The following FBXL22 variants were observed in gnomAD, a reference collection of about 807,000 sequenced individuals.
The protein encoded by FBXL22 is F-box and leucine rich repeat protein 22.
Under a neutral mutation model 11.7 loss-of-function variants are expected in FBXL22, and 13 were observed. That is an observed-to-expected ratio of 1.11 (90% CI 0.73 to 1.77). FBXL22 has a LOEUF of 1.77. FBXL22 is among the 40% of genes most tolerant of loss of function. The pLI, the probability that FBXL22 is intolerant of heterozygous loss-of-function variation, is 0.00. For synonymous variants in FBXL22, 160 were observed against 144.1 expected (o/e 1.11, Z -0.79); for missense variants, 406 against 320.4 (o/e 1.27, Z -2.04).
At position 63,601,080 on chromosome 15, in the gene FBXL22, C is replaced by T; in HGVS notation, c.*41C>T. ...TGCCCCCGGGGAAGGAGCGCAGCCC[C>T]AGACCGTCCTGGCTTCGAACCCAGC... is the stretch of plus-strand genomic sequence containing the variant. On this transcript the variant is annotated 3_prime_UTR_variant, in exon 2 of 2. Coordinates refer to ENST00000638704, the MANE Select transcript of FBXL22 (RefSeq NM_001367807.1). 1 of 1,270,616 alleles carries T rather than the reference C, an allele frequency of 7.9e-7. No homozygotes were observed. The highest frequency in any genetic ancestry group is 9.9e-7 in the Non-Finnish European group (1 of 1,009,848). The allele number at this position is 1,270,616 out of a possible 1,614,324, so 78.7% of individuals were successfully genotyped here.
At chr15:63,601,634 G>T (rs531949187), downstream of FBXL22, 3 of 1,604,550 alleles carry the variant, frequency 1.9e-6, no homozygotes, top group African/African-American at 2.7e-5. Flanking sequence ...GGTTTTGCCC[G>T]CACGCGCGTC....
At chr15:63,599,743 C>G (rs2067334516) in intron 1 of FBXL22, 4 of 986,366 alleles carry the variant, frequency 4.1e-6, no homozygotes, top group Non-Finnish European at 4.8e-6. Context: ...CAGACTCTAG[C>G]TCCCTCTGGC....
chr15:63,601,642 G>A (rs1441469379), downstream of FBXL22: 1 of 1,606,390 alleles, frequency 6.2e-7, no homozygotes, highest in Admixed American at 1.7e-5. Flanking sequence ...CCGCACGCGC[G>A]TCTGCCCGCC....
At chr15:63,601,336 G>C, downstream of FBXL22, 1 of 1,602,336 alleles carries the variant, frequency 6.2e-7, no homozygotes, top group Non-Finnish European at 8.5e-7. Context: ...GGAGGCGCCT[G>C]CACCGTCCTC....
chr15:63,599,122 A>G, intron 1 of FBXL22: 1 of 1,324,366 alleles, frequency 7.6e-7, no homozygotes, highest in Non-Finnish European at 1.0e-6. Flanking sequence ...TTCTTCTTCT[A>G]TAAAATGTGC....
intron 1 of FBXL22, chr15:63,599,563 G>C: frequency 9.6e-7 from 1 of 1,040,988 alleles, no homozygotes. Flanking sequence ...GACTAATGAG[G>C]GCACACAAAC....
chr15:63,607,702 GCTGT>G, the FBXL22 span, among the ~76,000 whole-genome samples: 6 of 152,310 alleles, frequency 3.9e-5, no homozygotes, highest in African/African-American at 1.4e-4. Context: ...CCTGCAGAGG[GCTGT>G]CTGTCTGGCA....
At chr15:63,603,502 G>A (rs1353965311), downstream of FBXL22, among the ~76,000 whole-genome samples, 1 of 152,152 alleles carries the variant, frequency 6.6e-6, no homozygotes, top group Non-Finnish European at 1.5e-5. Flanking sequence ...GGGTAGCAGT[G>A]GATGGACAGA....
At position 63,597,636 on chromosome 15, in the gene FBXL22, C is replaced by T. The variant is rs1474270064; in HGVS notation, c.244C>T (p.Arg82Cys). The change falls in exon 1 of 2, where the codon CGC (arginine) becomes TGC (cysteine). Residue 82 changes from arginine (R) to cysteine (C), a missense_variant. Transcript: ENST00000638704. This position sits in a 1 kb window ranked among gnomAD's most constrained non-coding sequence, Gnocchi z 4.3. ...RSLSICWHSSRVQVCSIEDWL... is the reference protein window; with the variant it reads ...RSLSICWHSSCVQVCSIEDWL... ...CCTCTCCATCTGCTGGCACTCCAGC[C>T]GCGTGCAGGTGTGCAGCATTGAGGA... The T allele has an allele frequency of 2.0e-5, 33 of 1,613,336 alleles. No homozygotes were observed. The highest frequency in any genetic ancestry group is 3.3e-4 in the Middle Eastern group (2 of 6,084).
At chr15:63,602,353 T>C, downstream of FBXL22, 2 of 152,160 alleles carry the variant, frequency 1.3e-5, no homozygotes, top group Non-Finnish European at 1.5e-5. Flanking sequence ...GAGGCCAAGA[T>C]GGGCGATTCA....
At position 63,599,907 on chromosome 15, in the gene FBXL22, C is replaced by A. The variant is rs558937262; in HGVS notation, c.354-790C>A. On this transcript the variant is annotated intron_variant, in intron 1 of 1. Coordinates refer to ENST00000638704, the MANE Select transcript of FBXL22 (RefSeq NM_001367807.1). ...CCAGTGGTAGACATTATTCCCCCCA[C>A]GCAGAGGAAATGAAGGCTCCGTGAG... is the stretch of plus-strand genomic sequence containing the variant. 1.2e-4 allele frequency: 122 copies of A among 985,610 alleles called. No individual in the cohort carries two copies. In the Middle Eastern group the frequency reaches 2.6e-3, roughly 21 times the overall value. The allele number at this position is 985,610 out of a possible 1,614,324, so 61.1% of individuals were successfully genotyped here.
rs2067356171 is a variant in FBXL22, at chr15:63,600,779, C to A, written c.436C>A (p.Pro146Thr). 1 of 1,231,208 alleles carries A rather than the reference C, an allele frequency of 8.1e-7. No homozygotes were observed. The highest frequency in any genetic ancestry group is 1.0e-6 in the Non-Finnish European group (1 of 987,668). 76.3% of individuals were successfully genotyped at this position (1,231,208 alleles called of 1,614,324 possible). A position where few individuals can be genotyped will look rare whatever the true frequency, so the allele number is the denominator to read the frequency against. ...CCTGGCGCGCCTGCTGCGCTGCTGC[C>A]CACGCCTGCGCGCACTGCGCCTGGA... ...DCLARLLRCC[P>T]RLRALRLENC... The change falls in exon 2 of 2, where the codon CCA becomes ACA. Residue 146 changes from proline to threonine, a missense_variant. Physicochemically the swap from Pro to Thr is conservative, Grantham distance 38. Coordinates refer to ENST00000638704, the MANE Select transcript of FBXL22 (RefSeq NM_001367807.1).
chr15:63,603,418 C>T (rs893988942), downstream of FBXL22, among the ~76,000 whole-genome samples: 25 of 152,152 alleles, frequency 1.6e-4, no homozygotes, highest in Non-Finnish European at 2.1e-4. Context: ...AATAAATTTG[C>T]TTTTTATTAC....
chr15:63,605,073 A>G (rs1016057607), downstream of FBXL22, among the ~76,000 whole-genome samples: 5 of 152,090 alleles, frequency 3.3e-5, no homozygotes, highest in African/African-American at 1.2e-4. Context: ...CAAAAAAAAA[A>G]GTAAAAAACA....
chr15:63,602,216 GAA>G (rs1479422222), downstream of FBXL22: 1 of 152,770 alleles, frequency 6.5e-6, no homozygotes, highest in Admixed American at 6.5e-5. Flanking sequence ...AAACGGCAAG[GAA>G]AAAGACAAAT....
chr15:63,601,096 C>T lies in FBXL22; in HGVS notation c.*57C>T. 7 of 1,292,566 alleles carry T rather than the reference C, an allele frequency of 5.4e-6. No individual in the cohort carries two copies. The highest frequency in any genetic ancestry group is 6.8e-6 in the Non-Finnish European group (7 of 1,022,134). 80.1% of individuals were successfully genotyped at this position (1,292,566 alleles called of 1,614,324 possible). ...GCGCAGCCCCAGACCGTCCTGGCTT[C>T]GAACCCAGCTCTTCCACCTTCAGAC... On this transcript the variant is annotated 3_prime_UTR_variant, in exon 2 of 2. Coordinates refer to ENST00000638704, the MANE Select transcript of FBXL22 (RefSeq NM_001367807.1).
chr15:63,599,788 C>T, intron 1 of FBXL22: 2 of 986,238 alleles, frequency 2.0e-6, no homozygotes, highest in Non-Finnish European at 2.4e-6. Flanking sequence ...ATTAGTCGGT[C>T]CTTCTGGACT....
rs762053791 is a variant in FBXL22, at chr15:63,597,710, C to A, written c.318C>A (p.Ser106Arg). Residue 106 changes from serine to arginine, a missense_variant, in exon 1 of 2, where the codon AGC (serine) becomes AGA (arginine). By Grantham distance (110) the Ser-to-Arg change is moderately radical (BLOSUM62 -1). Transcript: ENST00000638704. The surrounding 1 kb of genome is among the most constrained non-coding windows in gnomAD (Gnocchi z 4.3). ...FQRSICSRHE[S>R]LVNDFLLRVC... Reference sequence around the variant, plus strand: ...GAAGCATCTGCAGCCGGCACGAGAGCCTGGTCAATGATTTCCTCCTCCGGG... The same window carrying A: ...GAAGCATCTGCAGCCGGCACGAGAGACTGGTCAATGATTTCCTCCTCCGGG... 19 of 1,595,646 alleles carry A rather than the reference C, an allele frequency of 1.2e-5. No homozygotes were observed. Among genetic ancestry groups the A allele is most frequent in the Non-Finnish European group, 1.5e-5 (18 of 1,167,842 alleles).
chr15:63,605,895 G>C (rs959345040), downstream of FBXL22, among the ~76,000 whole-genome samples: 2 of 152,210 alleles, frequency 1.3e-5, no homozygotes, highest in Non-Finnish European at 1.5e-5. Flanking sequence ...CCCCAGTGCC[G>C]GCAGAGAGAC....
Sources: gnomAD v4.1 joint callset for allele counts (sites outside exome capture counted in the v4.1 genomes callset) on GRCh38, gnomAD v4.1.1 for gene constraint, Gnocchi (gnomAD v3.1) non-coding constraint, MANE v1.5 for transcripts, NCBI Gene and HGNC (gene_info 2026-07-23, HGNC 2026-07-21) for gene names.